MCC: variants seen among roughly 807,000 people sequenced by gnomAD.
The protein encoded by MCC is colorectal mutant cancer protein.
In MCC, 90 loss-of-function variants were observed where a neutral mutation model predicts 116.2. That is an observed-to-expected ratio of 0.77 (90% CI 0.65 to 0.92). The LOEUF is 0.92. MCC is among the 40% of genes least tolerant of loss of function. The probability of loss-of-function intolerance (pLI) is 0.00; values close to 1 mark genes in which losing one functional copy is unlikely to be tolerated. For synonymous variants in MCC, 578 were observed against 510.5 expected, an observed-to-expected ratio of 1.13 and a Z score of -1.78; for missense variants, 1,516 against 1,312.2, an observed-to-expected ratio of 1.16 and a Z score of -2.40.
rs533953931 is a variant in MCC at position 113,074,125 on chromosome 5, C to T, written c.1785-2891G>A. On this transcript the variant is annotated intron_variant, in intron 11 of 18. Coordinates refer to ENST00000408903, the MANE Select transcript of MCC (RefSeq NM_001085377.2). ...CCTGAGTAGCCTAACTGGGAGACACCTCCCAGTAGGGGCCGACTGACACCT... is the reference window on the plus strand; with the variant it reads ...CCTGAGTAGCCTAACTGGGAGACACTTCCCAGTAGGGGCCGACTGACACCT... Among the ~76,000 whole-genome samples the T allele has an allele frequency of 1.8e-3, 279 of 152,354 alleles. 2 individuals are homozygous for T. Among genetic ancestry groups the T allele is most frequent in the African/African-American group, 6.3e-3 (260 of 41,586 alleles).
intron 3 of MCC, among the ~76,000 whole-genome samples, chr5:113,306,464 C>T (rs988287017): frequency 6.6e-6 from 1 of 152,176 alleles, no homozygotes; most frequent in Non-Finnish European, 1.5e-5. Flanking sequence ...TTGCATTACC[C>T]TAAAGATTGA....
chr5:113,434,885 C>T lies in MCC; in HGVS notation c.171-49673G>A, dbSNP rs577606599. ...CCTCTGAGGCTGCCCTCTACAGCCCCGAGGCGCATGGGCCAGCAGTGTGCT... is the reference window on the plus strand; with the variant it reads ...CCTCTGAGGCTGCCCTCTACAGCCCTGAGGCGCATGGGCCAGCAGTGTGCT... On this transcript the variant is annotated intron_variant, in intron 1 of 18. Coordinates refer to ENST00000408903, the MANE Select transcript of MCC (RefSeq NM_001085377.2). The surrounding 1 kb of genome is among the most constrained non-coding windows in gnomAD (Gnocchi z 4.2). The T allele has an allele frequency of 1.4e-4, 224 of 1,568,922 alleles. 1 individual carries two copies. Among genetic ancestry groups the T allele is most frequent in the Middle Eastern group, 4.2e-4 (2 of 4,788 alleles).
At chr5:113,246,573 C>T (rs1368524532) in intron 3 of MCC, among the ~76,000 whole-genome samples, 19 of 152,156 alleles carry the variant, frequency 1.2e-4, no homozygotes, top group African/African-American at 4.3e-4. Flanking sequence ...AAAGCAGCAG[C>T]GAATCCTATT....
At chr5:113,289,325 T>C (rs889024568) in intron 3 of MCC, among the ~76,000 whole-genome samples, 31 of 123,248 alleles carry the variant, frequency 2.5e-4, no homozygotes, top group African/African-American at 1.0e-3. Context: ...AGAGGCTCCA[T>C]CTCAAAAAAA....
intron 15 of MCC, among the ~76,000 whole-genome samples, chr5:113,052,843 G>A (rs1427053839): frequency 6.6e-6 from 1 of 152,140 alleles, no homozygotes; most frequent in East Asian, 1.9e-4. Context: ...TGGTCCTTCT[G>A]GTGACCAGCC....
chr5:113,103,744 A>G (rs539339668), intron 7 of MCC, among the ~76,000 whole-genome samples: 21 of 152,326 alleles, frequency 1.4e-4, no homozygotes, highest in Admixed American at 1.3e-3. Flanking sequence ...ATCATTCACA[A>G]TGAGTTTGTG....
intron 1 of MCC, among the ~76,000 whole-genome samples, chr5:113,483,617 C>A (rs187077614): frequency 1.3e-5 from 2 of 151,944 alleles, no homozygotes; most frequent in African/African-American, 2.4e-5. Flanking sequence ...GAAAAAATAT[C>A]TTTAATAAAA....
In MCC at chr5:113,075,221, C is replaced by T. The variant is rs890576243; in HGVS notation, c.1785-3987G>A. Among the ~76,000 whole-genome samples, 9 of 152,220 alleles carry T rather than the reference C, an allele frequency of 5.9e-5. No individual in the cohort carries two copies. The South Asian group carries it at 6.2e-4, about 10-fold the overall frequency. ...GGTGCACCGGGTACCACAGCACTTC[C>T]GGCCCGCTCGCGCCACGCTCGAATT... On this transcript the variant is annotated intron_variant, in intron 11 of 18. Coordinates refer to ENST00000408903, the MANE Select transcript of MCC (RefSeq NM_001085377.2).
At chr5:113,056,132 A>G (rs1265418767) in intron 14 of MCC, among the ~76,000 whole-genome samples, 2 of 152,198 alleles carry the variant, frequency 1.3e-5, no homozygotes, top group Non-Finnish European at 2.9e-5. Context: ...ATTGGTTCTG[A>G]TTCTCTGCAA....
intron 3 of MCC, among the ~76,000 whole-genome samples, chr5:113,340,289 C>T (rs1270223541): frequency 6.6e-6 from 1 of 152,144 alleles, no homozygotes; most frequent in Non-Finnish European, 1.5e-5. Context: ...AAGTTACAGC[C>T]TTAATCAAAA....
intron 3 of MCC, among the ~76,000 whole-genome samples, chr5:113,307,799 C>G (rs1270982466): frequency 6.6e-6 from 1 of 152,080 alleles, no homozygotes; most frequent in Non-Finnish European, 1.5e-5. Flanking sequence ...GTAGATTCCC[C>G]TTTTTCTTCA....
chr5:113,240,122 T>A (rs977429967), intron 3 of MCC, among the ~76,000 whole-genome samples: 6 of 152,212 alleles, frequency 3.9e-5, no homozygotes, highest in Non-Finnish European at 7.3e-5. Context: ...AAAGCTGTCA[T>A]GTCGGTCTCT....
chr5:113,118,788 G>T (rs1164369268), intron 6 of MCC, among the ~76,000 whole-genome samples: 1 of 152,220 alleles, frequency 6.6e-6, no homozygotes, highest in African/African-American at 2.4e-5. Context: ...GAGGGAGACA[G>T]CCAGTTCCGA....
chr5:113,191,632 G>A (rs752046588), intron 3 of MCC, among the ~76,000 whole-genome samples: 26 of 152,210 alleles, frequency 1.7e-4, no homozygotes, highest in East Asian at 3.8e-4. Context: ...CCACATCTCC[G>A]TACATCAGAG....
intron 2 of MCC, among the ~76,000 whole-genome samples, chr5:113,381,909 C>A (rs185305913): frequency 1.5e-4 from 23 of 152,296 alleles, no homozygotes; most frequent in Non-Finnish European, 3.1e-4. Flanking sequence ...AAATGGTAAA[C>A]AGGAGAACAT....
chr5:113,219,065 C>G (rs957690357), intron 3 of MCC, among the ~76,000 whole-genome samples: 3 of 152,142 alleles, frequency 2.0e-5, no homozygotes, highest in Non-Finnish European at 4.4e-5. Context: ...AGGTTTCAAA[C>G]TGTCCTCTGG....
chr5:113,370,258 C>T (rs1768804145), intron 2 of MCC, among the ~76,000 whole-genome samples: 1 of 152,186 alleles, frequency 6.6e-6, no homozygotes, highest in African/African-American at 2.4e-5. Flanking sequence ...CTCTAATTAT[C>T]CCTGTAACCA....
At chr5:113,128,460 T>C (rs1051682764) in intron 5 of MCC, among the ~76,000 whole-genome samples, 2 of 152,254 alleles carry the variant, frequency 1.3e-5, no homozygotes, top group African/African-American at 4.8e-5. Context: ...GTATTCCTTT[T>C]AGTTCTCTGA....
rs190845735 is a variant in MCC, at chr5:113,400,188, T to A, written c.171-14976A>T. 2.9e-3 allele frequency among the ~76,000 whole-genome samples: 413 copies of A among 141,702 alleles called. 1 individual carries two copies. The highest frequency in any genetic ancestry group is 0.011 in the African/African-American group (391 of 36,802). The allele number at this position is 141,702 out of a possible 152,430, so 93.0% of individuals were successfully genotyped here. A position where few individuals can be genotyped will look rare whatever the true frequency, so the allele number is the denominator to read the frequency against. On this transcript the variant is annotated intron_variant, in intron 1 of 18. Coordinates refer to ENST00000408903, the MANE Select transcript of MCC (RefSeq NM_001085377.2). Reference sequence around the variant, plus strand: ...CCCAGGCTGGAGTGCAGTGGTGCGATCTTGGCTCACTGAAACCTTCCCCTC... The same window carrying A: ...CCCAGGCTGGAGTGCAGTGGTGCGAACTTGGCTCACTGAAACCTTCCCCTC...
Sources: gnomAD v4.1 joint callset for allele counts (sites outside exome capture counted in the v4.1 genomes callset) on GRCh38, gnomAD v4.1.1 for gene constraint, Gnocchi (gnomAD v3.1) non-coding constraint, MANE v1.5 for transcripts, NCBI Gene and HGNC (gene_info 2026-07-23, HGNC 2026-07-21) for gene names.